Variants in PRCD observed in about 807,000 individuals in gnomAD.
PRCD encodes the protein photoreceptor disk component PRCD.
PRCD carries 12 observed loss-of-function variants against 10.1 expected under a neutral mutation model. That is an observed-to-expected ratio of 1.18 (90% CI 0.76 to 1.92). The LOEUF (loss-of-function observed/expected upper bound fraction) is 1.92. PRCD is among the 40% of genes most tolerant of loss of function. PRCD has a pLI of 0.00. For missense variants in PRCD, 61 were observed against 72.2 expected (o/e 0.84, Z 0.56); for synonymous variants, 31 against 26.2 (o/e 1.18, Z -0.56).
chr17:76,552,901 A>AATAT lies in PRCD; in HGVS notation n.84-198_84-195dup, dbSNP rs71158015. 14 of 108,102 alleles carry AATAT rather than the reference A, an allele frequency of 1.3e-4. 1 individual carries two copies. Among genetic ancestry groups the AATAT allele is most frequent in the African/African-American group, 3.7e-4 (10 of 27,104 alleles). The allele number at this position is 108,102 out of a possible 1,614,324, so 6.7% of individuals were successfully genotyped here. A position where few individuals can be genotyped will look rare whatever the true frequency, so the allele number is the denominator to read the frequency against. On this transcript the variant is annotated intron_variant and non_coding_transcript_variant, in intron 1 of 1. Coordinates refer to the PRCD transcript ENST00000587063. ...AAAAAAATATATATATATATATAAAAATATATATATATAAAACATGTATAT... is the reference window on the plus strand; with the variant it reads ...AAAAAAATATATATATATATATAAAAATATATATATATATATAAAACATGTATAT...
chr17:76,547,545 TG>T (rs1439517316), downstream of PRCD, among the ~76,000 whole-genome samples: 1 of 152,062 alleles, frequency 6.6e-6, no homozygotes, highest in African/African-American at 2.4e-5. Context: ...ATGACTGTAG[TG>T]GGGGACTGAG....
chr17:76,539,351 G>A (rs2074959966), upstream of PRCD, among the ~76,000 whole-genome samples: 2 of 152,238 alleles, frequency 1.3e-5, no homozygotes, highest in Non-Finnish European at 2.9e-5. Flanking sequence ...TAGTCGTATG[G>A]TGTAGGAATG....
At chr17:76,534,763 G>T (rs1412340105) in intron 1 of PRCD, among the ~76,000 whole-genome samples, 1 of 152,208 alleles carries the variant, frequency 6.6e-6, no homozygotes, top group African/African-American at 2.4e-5. Flanking sequence ...ATCGTGGCCT[G>T]GTAACCAGGT....
exon 2 of PRCD, chr17:76,553,256 T>C (rs2075128361): frequency 6.6e-6 from 1 of 152,216 alleles, no homozygotes. Flanking sequence ...CAGAATTGCA[T>C]CACAGACCCT....
At chr17:76,551,511 A>G (rs1481554520) in intron 1 of PRCD, 1 of 152,188 alleles carries the variant, frequency 6.6e-6, no homozygotes, top group East Asian at 1.9e-4. Flanking sequence ...GGTCTGTGTT[A>G]TATTTCTCCT....
chr17:76,540,205 C>T lies in PRCD; in HGVS notation c.64C>T (p.Arg22Ter), dbSNP rs387907268. 21 of 1,587,346 alleles carry T rather than the reference C, an allele frequency of 1.3e-5. No individual in the cohort carries two copies. The highest frequency in any genetic ancestry group is 1.6e-5 in the Non-Finnish European group (19 of 1,172,162). The change falls in exon 1 of 5, where the codon CGA (arginine) becomes TGA (stop). Residue 22 changes from arginine (R) to a stop codon, truncating the protein, a stop_gained. Coordinates refer to ENST00000592014, the MANE Select transcript of PRCD (RefSeq NM_001077620.3). LOFTEE classifies it high-confidence loss of function. This position sits in a 1 kb window ranked among gnomAD's most constrained non-coding sequence, Gnocchi z 5.0. ...GCTCTGGCGCCGCCGATTTGCCAAC[C>T]GAGTCCAACCGTGAGAAACTGACCG... ...AMLWRRRFAN[R>*]VQPEPSDVDG... is the part of the protein sequence containing the mutation.
In PRCD at chr17:76,540,421, GC is replaced by G. The variant is rs1415484502; in HGVS notation, c.75-81del. 49 of 1,467,588 alleles carry G rather than the reference GC, an allele frequency of 3.3e-5. No individual in the cohort carries two copies. Among genetic ancestry groups the G allele is most frequent in the Middle Eastern group, 3.5e-4 (2 of 5,780 alleles). 90.9% of individuals were successfully genotyped at this position (1,467,588 alleles called of 1,614,324 possible). On this transcript the variant is annotated intron_variant, in intron 1 of 4. Transcript: ENST00000592014. This position sits in a 1 kb window ranked among gnomAD's most constrained non-coding sequence, Gnocchi z 5.0. ...TCTAGTTGCAGCCTCTACTCCCATA[GC>G]CCAATGCGGCCTGGACCTGTGGAGG...
chr17:76,545,695 T>C (rs1271468095), downstream of PRCD: 1 of 286,988 alleles, frequency 3.5e-6, no homozygotes, highest in Non-Finnish European at 6.9e-6. Context: ...GAGATCCTAC[T>C]GGTATCTGTC....
chr17:76,532,477 C>A (rs989519370), intron 1 of PRCD, among the ~76,000 whole-genome samples: 1 of 152,042 alleles, frequency 6.6e-6, no homozygotes, highest in African/African-American at 2.4e-5. Context: ...CTCTCACGCA[C>A]CCTCTGACCC....
At chr17:76,529,043 CG>C (rs1645949581) in intron 1 of PRCD, 8 of 558,972 alleles carry the variant, frequency 1.4e-5, no homozygotes, top group Non-Finnish European at 1.6e-5. Flanking sequence ...GCAGTCATTG[CG>C]CCCCCCCCCC....
chr17:76,528,057 T>C lies in PRCD; in HGVS notation n.45+224T>C. ...CAACCGGAACCCCTCCCTGCCCCAC[T>C]CACAGGTGGGCCAAACCGAGGCTTC... On this transcript the variant is annotated intron_variant and non_coding_transcript_variant, in intron 1 of 4. Coordinates refer to the PRCD transcript ENST00000397633. The surrounding 1 kb of genome is among the most constrained non-coding windows in gnomAD (Gnocchi z 5.8). 1 of 367,790 alleles carries C rather than the reference T, an allele frequency of 2.7e-6. No homozygotes were observed. The highest frequency in any genetic ancestry group is 5.1e-6 in the Non-Finnish European group (1 of 194,404). 22.8% of individuals were successfully genotyped at this position (367,790 alleles called of 1,614,324 possible).
Position 76,531,294 on chromosome 17 carries a change from G to T in PRCD, n.45+3461G>T. ...ACCCCGTGCTCTCAGGACAAGGGTT[G>T]CCCTGGACCCAGCCCCTCCATCCTG... On this transcript the variant is annotated intron_variant and non_coding_transcript_variant, in intron 1 of 4. Coordinates refer to the PRCD transcript ENST00000397633. This position sits in a 1 kb window ranked among gnomAD's most constrained non-coding sequence, Gnocchi z 7.4. 8.3e-7 allele frequency: 1 copy of T among 1,203,148 alleles called. No homozygotes were observed. The allele number at this position is 1,203,148 out of a possible 1,614,324, so 74.5% of individuals were successfully genotyped here.
chr17:76,542,768 G>A, intron 3 of PRCD, 135 bp downstream of exon 3: 6 of 683,542 alleles, frequency 8.8e-6, no homozygotes, highest in Non-Finnish European at 1.6e-5. Context: ...TTCAAAGTAG[G>A]CGGATGGACT....
upstream of PRCD, chr17:76,537,253 C>T: frequency 1.1e-6 from 1 of 906,520 alleles, no homozygotes; most frequent in Non-Finnish European, 1.5e-6. Context: ...CAAGGCGCCC[C>T]ACGCCGCCTG....
chr17:76,548,941 G>A (rs1051996529), downstream of PRCD, among the ~76,000 whole-genome samples: 5 of 152,162 alleles, frequency 3.3e-5, no homozygotes, highest in African/African-American at 4.8e-5. Flanking sequence ...AAACCCAAGC[G>A]GACCACAGTG....
upstream of PRCD, among the ~76,000 whole-genome samples, chr17:76,538,906 C>T (rs1275474459): frequency 1.3e-5 from 2 of 152,228 alleles, no homozygotes; most frequent in Non-Finnish European, 2.9e-5. Context: ...AGGGTTGGCT[C>T]TGCGCTTTCA....
chr17:76,537,611 G>C, upstream of PRCD: 3 of 1,026,554 alleles, frequency 2.9e-6, no homozygotes, highest in Non-Finnish European at 2.3e-6. Flanking sequence ...GCGGGGCGCG[G>C]GGCGCCGGGA....
In PRCD at chr17:76,531,095, A is replaced by G; in HGVS notation, n.45+3262A>G. On this transcript the variant is annotated intron_variant and non_coding_transcript_variant, in intron 1 of 4. Coordinates refer to the PRCD transcript ENST00000397633. The surrounding 1 kb of genome is among the most constrained non-coding windows in gnomAD (Gnocchi z 7.4). Reference sequence around the variant, plus strand: ...CTCTCTGCGTCTCAGGTGGGAAGTCACTGGCAAATTCCTCGGCGACCACCT... The same window carrying G: ...CTCTCTGCGTCTCAGGTGGGAAGTCGCTGGCAAATTCCTCGGCGACCACCT... 6.2e-7 allele frequency: 1 copy of G among 1,613,780 alleles called. No homozygotes were observed. The highest frequency in any genetic ancestry group is 8.5e-7 in the Non-Finnish European group (1 of 1,179,940).
rs2074818200 is a variant in PRCD, at chr17:76,530,121, G to A, written n.45+2288G>A. The A allele has an allele frequency of 6.1e-6, 6 of 981,522 alleles. No homozygotes were observed. The Admixed American group carries it at 2.5e-4, about 40-fold the overall frequency. The allele number at this position is 981,522 out of a possible 1,614,324, so 60.8% of individuals were successfully genotyped here. ...ACTGCTGGGAATGTTTCTCTACCAC[G>A]GGAATGTTTCTCTACCACGCGTGTC... is the stretch of plus-strand genomic sequence containing the variant. On this transcript the variant is annotated intron_variant and non_coding_transcript_variant, in intron 1 of 4. Transcript: ENST00000397633. This position sits in a 1 kb window ranked among gnomAD's most constrained non-coding sequence, Gnocchi z 6.1.
Sources: allele counts gnomAD v4.1 joint callset (sites outside exome capture counted in the v4.1 genomes callset), GRCh38; gene constraint gnomAD v4.1.1; non-coding constraint Gnocchi (gnomAD v3.1); transcripts MANE v1.5; gene names NCBI Gene and HGNC (gene_info 2026-07-23, HGNC 2026-07-21).